WDFY3: variants seen among roughly 807,000 people sequenced by gnomAD.
WDFY3 encodes the protein WD repeat and FYVE domain-containing protein 3.
In WDFY3, 66 loss-of-function variants were observed where a neutral mutation model predicts 409.6. The ratio of observed to expected loss-of-function variants is 0.16; its 90% CI spans 0.13 to 0.20. The LOEUF is 0.20. Ranked by LOEUF, WDFY3 falls within the 10% of genes least tolerant of loss-of-function variation. The pLI is 1.00. For missense variants in WDFY3, 3,031 were observed against 4,298.1 expected (o/e 0.71, Z 8.24); for synonymous variants, 1,521 against 1,537.1 (o/e 0.99, Z 0.25).
At chr4:84,935,995 C>G (rs2150992567) in intron 1 of WDFY3, among the ~76,000 whole-genome samples, 1 of 152,242 alleles carries the variant, frequency 6.6e-6, no homozygotes. Context: ...TCATGCTTTC[C>G]TTGCCTCCAA....
chr4:84,809,192 C>T (rs1241589743), intron 14 of WDFY3: 1 of 152,204 alleles, frequency 6.6e-6, no homozygotes, highest in East Asian at 1.9e-4. Context: ...GGCTCTCCTA[C>T]AATCTGCCTG....
chr4:84,706,065 C>G (rs1731888318), intron 53 of WDFY3, among the ~76,000 whole-genome samples: 1 of 152,068 alleles, frequency 6.6e-6, no homozygotes, highest in African/African-American at 2.4e-5. Context: ...GATCAAGTAA[C>G]TTCCCAATGA....
At chr4:84,752,491 T>C (rs914871336) in intron 35 of WDFY3, among the ~76,000 whole-genome samples, 6 of 150,100 alleles carry the variant, frequency 4.0e-5, no homozygotes, top group Admixed American at 6.6e-5. Flanking sequence ...CGTGCCACCA[T>C]TGCACTCCAG....
intron 40 of WDFY3, among the ~76,000 whole-genome samples, chr4:84,737,887 T>A (rs1737730747): frequency 6.6e-6 from 1 of 152,150 alleles, no homozygotes; most frequent in South Asian, 2.1e-4. Flanking sequence ...AAGCTGCTAG[T>A]CCCTCACCTC....
intron 62 of WDFY3, among the ~76,000 whole-genome samples, chr4:84,687,303 C>T (rs1578133360): frequency 6.6e-6 from 1 of 152,136 alleles, no homozygotes; most frequent in Non-Finnish European, 1.5e-5. Context: ...ACCACCAGCC[C>T]GGCTAATTTT....
chr4:84,949,472 C>T (rs6820517), intron 1 of WDFY3, among the ~76,000 whole-genome samples: 35,906 of 152,008 alleles, frequency 0.24, 5,223 homozygotes, highest in East Asian at 0.32. Flanking sequence ...ATTGAAAAGG[C>T]CATCTGATTC....
At position 84,692,933 on chromosome 4, in the gene WDFY3, A is replaced by G. The variant is rs1261694896; in HGVS notation, c.9001T>C (p.Phe3001Leu). The change falls in exon 59 of 68, where the codon TTT becomes CTT. Residue 3001 changes from phenylalanine (F) to leucine (L), a missense_variant. Phe to Leu is a conservative substitution (Grantham distance 22). Coordinates refer to ENST00000295888, the MANE Select transcript of WDFY3 (RefSeq NM_014991.6). ...CTCAAGTTGTCTAGATGATGAAAAA[A>G]GATCTTGTCACTTGTAGATCCTGGT... ...VLPGSTSDKI[F>L]FHHLDNLRPS... is the part of the protein sequence containing the mutation. 2 of 1,613,370 alleles carry G rather than the reference A, an allele frequency of 1.2e-6. No homozygotes were observed. The highest frequency in any genetic ancestry group is 1.1e-5 in the South Asian group (1 of 90,776).
chr4:84,956,836 G>A (rs1284756229), intron 1 of WDFY3, among the ~76,000 whole-genome samples: 1 of 152,042 alleles, frequency 6.6e-6, no homozygotes, highest in Non-Finnish European at 1.5e-5. Flanking sequence ...TCCAAGCCTT[G>A]AGCTTGCTTA....
chr4:84,875,305 C>G (rs185750144), intron 3 of WDFY3, among the ~76,000 whole-genome samples: 122 of 144,584 alleles, frequency 8.4e-4, no homozygotes, highest in Non-Finnish European at 9.4e-4. Flanking sequence ...CACACACACA[C>G]AGAACATACA....
chr4:84,903,788 A>G (rs1439814615), intron 2 of WDFY3, among the ~76,000 whole-genome samples: 6 of 152,190 alleles, frequency 3.9e-5, no homozygotes, highest in African/African-American at 1.2e-4. Context: ...ATATATGAAC[A>G]TTAAAGAATC....
intron 1 of WDFY3, among the ~76,000 whole-genome samples, chr4:84,955,290 A>G (rs1174300921): frequency 6.6e-6 from 1 of 152,012 alleles, no homozygotes; most frequent in Non-Finnish European, 1.5e-5. Context: ...AGAGGAATTA[A>G]GAAGAATGCC....
intron 32 of WDFY3, among the ~76,000 whole-genome samples, chr4:84,761,112 G>A (rs1280483448): frequency 3.9e-5 from 6 of 151,956 alleles, no homozygotes; most frequent in African/African-American, 7.3e-5. Flanking sequence ...GTAGTTGAGC[G>A]GTTTTGAGTG....
chr4:84,938,762 C>T (rs1771747894), intron 1 of WDFY3, among the ~76,000 whole-genome samples: 1 of 152,154 alleles, frequency 6.6e-6, no homozygotes, highest in African/African-American at 2.4e-5. Flanking sequence ...TTTACTTTTA[C>T]ATTTGTGCTC....
rs930198083 is a variant in WDFY3, at chr4:84,950,040, C to T, written c.-226+16169G>A. ...TAGACTGGATAAAGAAAATGTGGCA[C>T]ATATACACCATGGAATACTATGCAG... is the stretch of plus-strand genomic sequence containing the variant. On this transcript the variant is annotated intron_variant, in intron 1 of 67. Coordinates refer to ENST00000295888, the MANE Select transcript of WDFY3 (RefSeq NM_014991.6). Among the ~76,000 whole-genome samples the T allele has an allele frequency of 3.3e-5, 5 of 152,246 alleles. No individual in the cohort carries two copies. The South Asian group carries it at 6.2e-4, about 19-fold the overall frequency.
Position 84,724,584 on chromosome 4 carries a change from C to G in WDFY3, c.7283G>C (p.Arg2428Pro). 1 of 1,605,622 alleles carries G rather than the reference C, an allele frequency of 6.2e-7. No homozygotes were observed. The highest frequency in any genetic ancestry group is 8.5e-7 in the Non-Finnish European group (1 of 1,177,564). ...GTCATAACTTACGGCTCTTCTATAT[C>G]GAGCAGGTTTCTAAGAAATGACAAA... is the stretch of plus-strand genomic sequence containing the variant. ...PDDIPQKKPA[R>P]YRRAVSYDSK... Residue 2428 changes from arginine to proline, a missense_variant, in exon 46 of 68, where the codon CGA (arginine) becomes CCA (proline). This residue lies in a region of WDFY3 where 127 missense variants were observed against 144.4 expected (regional missense o/e 0.88). Transcript: ENST00000295888.
At chr4:84,792,878 G>C (rs2149562628) in intron 21 of WDFY3, among the ~76,000 whole-genome samples, 1 of 152,156 alleles carries the variant, frequency 6.6e-6, no homozygotes, top group South Asian at 2.1e-4. Flanking sequence ...CATAATATCT[G>C]CATGCCTAAT....
intron 18 of WDFY3, among the ~76,000 whole-genome samples, chr4:84,797,354 G>C (rs1749636620): frequency 6.6e-6 from 1 of 151,920 alleles, no homozygotes; most frequent in African/African-American, 2.4e-5. Flanking sequence ...ATTCTAAACA[G>C]ATTGTCATTA....
chr4:84,795,768 A>G (rs1007916794), intron 19 of WDFY3, among the ~76,000 whole-genome samples: 3 of 145,626 alleles, frequency 2.1e-5, no homozygotes, highest in Admixed American at 6.9e-5. Context: ...ACTCAAAAGG[A>G]AAAAAAAAAA....
chr4:84,678,039 A>C (rs937959654), intron 66 of WDFY3, 129 bp downstream of exon 66: 41 of 544,680 alleles, frequency 7.5e-5, no homozygotes, highest in Non-Finnish European at 1.3e-4. Flanking sequence ...CTTCAAATTT[A>C]TCTCTTTGAG....
Sources: allele counts gnomAD v4.1 joint callset (sites outside exome capture counted in the v4.1 genomes callset), GRCh38; gene constraint gnomAD v4.1.1; regional missense constraint gnomAD v4.1.1; transcripts MANE v1.5; gene names NCBI Gene and HGNC (gene_info 2026-07-23, HGNC 2026-07-21).